Variants in CBL observed in about 807,000 individuals in gnomAD.
CBL encodes Cbl proto-oncogene, also known as E3 ubiquitin-protein ligase CBL.
A neutral mutation model predicts 96.9 loss-of-function variants in CBL; 45 were observed. The observed-to-expected ratio is 0.46, with a 90% CI of 0.37 to 0.60. CBL has a LOEUF of 0.60. CBL is among the 20% of genes least tolerant of loss of function. The pLI is 0.00. For missense variants in CBL, 1,024 were observed against 1,143.5 expected, an observed-to-expected ratio of 0.90 and a Z score of 1.51; for synonymous variants, 420 against 426.8, an observed-to-expected ratio of 0.98 and a Z score of 0.20.
At chr11:119,219,157 C>T (rs192605785) in intron 1 of CBL, among the ~76,000 whole-genome samples, 234 of 152,178 alleles carry the variant, frequency 1.5e-3, no homozygotes, top group African/African-American at 5.1e-3. Flanking sequence ...GCTGGTGGAT[C>T]ACTTGAGGTC....
rs1203290079 is a variant in CBL at position 119,307,620 on chromosome 11, A to G, written c.*7839A>G. 4.3e-6 allele frequency: 1 copy of G among 230,698 alleles called. No individual in the cohort carries two copies. The highest frequency in any genetic ancestry group is 8.6e-6 in the Non-Finnish European group (1 of 116,376). The allele number at this position is 230,698 out of a possible 1,614,324, so 14.3% of individuals were successfully genotyped here. On this transcript the variant is annotated 3_prime_UTR_variant, in exon 16 of 16. Coordinates refer to ENST00000264033, the MANE Select transcript of CBL (RefSeq NM_005188.4). Reference sequence around the variant, plus strand: ...GCTTTAGCAAAAGTTTTTCTATATAATGACATCTTACTTATCTTTTACCCT... The same window carrying G: ...GCTTTAGCAAAAGTTTTTCTATATAGTGACATCTTACTTATCTTTTACCCT...
chr11:119,275,252 A>G (rs190957249), intron 5 of CBL, among the ~76,000 whole-genome samples: 6 of 151,958 alleles, frequency 3.9e-5, no homozygotes, highest in Admixed American at 3.3e-4. Context: ...CAGCCTGGCC[A>G]AAGTGGTAAA....
chr11:119,251,113 T>C (rs1027604322), intron 2 of CBL, among the ~76,000 whole-genome samples: 4 of 152,186 alleles, frequency 2.6e-5, no homozygotes, highest in African/African-American at 9.7e-5. Context: ...ATATTTATCA[T>C]GTGCTTGCTG....
intron 1 of CBL, among the ~76,000 whole-genome samples, chr11:119,221,933 A>G (rs1315758972): frequency 6.6e-6 from 1 of 152,196 alleles, no homozygotes; most frequent in Non-Finnish European, 1.5e-5. Context: ...TTGAGGTTGT[A>G]TAGCCAGTTA....
At chr11:119,278,925 CTTAT>C (rs1949911352) in intron 9 of CBL, among the ~76,000 whole-genome samples, 1 of 152,044 alleles carries the variant, frequency 6.6e-6, no homozygotes, top group Non-Finnish European at 1.5e-5. Flanking sequence ...TACTATTATC[CTTAT>C]TTAACAGATG....
At chr11:119,285,167 T>C in intron 10 of CBL, 22 bp from the exon 11 acceptor site, 1 of 1,614,168 alleles carries the variant, frequency 6.2e-7, no homozygotes, top group Non-Finnish European at 8.5e-7. Context: ...TTTACTGATT[T>C]GCTTTCACCC....
intron 2 of CBL, among the ~76,000 whole-genome samples, chr11:119,247,656 C>A (rs557016731): frequency 6.6e-6 from 1 of 151,994 alleles, no homozygotes; most frequent in African/African-American, 2.4e-5. Context: ...ACTAAAAATA[C>A]AAAAATTAGC....
chr11:119,237,363 T>C (rs747095223), intron 2 of CBL, among the ~76,000 whole-genome samples: 1 of 152,254 alleles, frequency 6.6e-6, no homozygotes, highest in Non-Finnish European at 1.5e-5. Context: ...ATTCTGTGGG[T>C]CATCTTTTCA....
intron 1 of CBL, among the ~76,000 whole-genome samples, chr11:119,226,748 A>G (rs1258798994): frequency 6.6e-6 from 1 of 152,186 alleles, no homozygotes; most frequent in Non-Finnish European, 1.5e-5. Context: ...ATGAGCCACC[A>G]CGCCCCGCCT....
At chr11:119,258,004 G>A (rs1457281418) in intron 2 of CBL, among the ~76,000 whole-genome samples, 1 of 151,942 alleles carries the variant, frequency 6.6e-6, no homozygotes, top group Non-Finnish European at 1.5e-5. Context: ...AGGCAGGCGG[G>A]TCACTTGAGG....
chr11:119,265,290 T>A (rs1304002027), intron 2 of CBL, among the ~76,000 whole-genome samples: 1 of 152,224 alleles, frequency 6.6e-6, no homozygotes, highest in Non-Finnish European at 1.5e-5. Context: ...GTAGGTGAGA[T>A]GATTTTTGAT....
chr11:119,234,821 A>G (rs1013011509), intron 2 of CBL, among the ~76,000 whole-genome samples: 3 of 152,264 alleles, frequency 2.0e-5, no homozygotes, highest in Non-Finnish European at 4.4e-5. Flanking sequence ...GTCCAGTGGC[A>G]TTAGAGAAGG....
At chr11:119,277,289 G>A (rs1396793511) in intron 6 of CBL, among the ~76,000 whole-genome samples, 2 of 134,440 alleles carry the variant, frequency 1.5e-5, no homozygotes, top group African/African-American at 3.0e-5. Flanking sequence ...TTTCTATCTG[G>A]TGGCCATCCA....
intron 3 of CBL, among the ~76,000 whole-genome samples, chr11:119,272,264 G>GGC (rs1949855061): frequency 6.6e-6 from 1 of 152,084 alleles, no homozygotes; most frequent in South Asian, 2.1e-4. Context: ...TGGGACTATA[G>GGC]GTGCCTGCCA....
Position 119,219,853 on chromosome 11 carries a change from T to G in CBL, c.196-12595T>G, listed in dbSNP as rs942280325. ...TGGGCACCACCACGCCCGACTATTT[T>G]TTTTTTTTTTTTTTGAGACGGAGTC... is the stretch of plus-strand genomic sequence containing the variant. On this transcript the variant is annotated intron_variant, in intron 1 of 15. Transcript: ENST00000264033. Among the ~76,000 whole-genome samples, 81 of 147,380 alleles carry G rather than the reference T, an allele frequency of 5.5e-4. No individual in the cohort carries two copies. In the East Asian group the frequency reaches 0.013, roughly 23 times the overall value.
intron 4 of CBL, 34 bp downstream of exon 4, chr11:119,274,058 C>A: frequency 6.6e-7 from 1 of 1,505,690 alleles, no homozygotes; most frequent in Non-Finnish European, 9.2e-7. Flanking sequence ...AAACTGGTTA[C>A]TGCTACTTCG....
chr11:119,208,084 A>T (rs1328610639), intron 1 of CBL, among the ~76,000 whole-genome samples: 1 of 152,200 alleles, frequency 6.6e-6, no homozygotes, highest in Non-Finnish European at 1.5e-5. Context: ...TTGGTGGTGT[A>T]GTACTAATTT....
chr11:119,275,965 C>G, intron 5 of CBL, 32 bp from the exon 6 acceptor site: 6 of 1,611,330 alleles, frequency 3.7e-6, no homozygotes, highest in Non-Finnish European at 5.1e-6. Flanking sequence ...CCAGCATAAT[C>G]TACTAAAGCT....
intron 3 of CBL, among the ~76,000 whole-genome samples, chr11:119,272,566 CT>C (rs1209380766): frequency 6.6e-6 from 1 of 152,164 alleles, no homozygotes; most frequent in African/African-American, 2.4e-5. Context: ...ACATCTTTTG[CT>C]TTGCTAAGTA....
Sources: allele counts gnomAD v4.1 joint callset (sites outside exome capture counted in the v4.1 genomes callset), GRCh38; gene constraint gnomAD v4.1.1; transcripts MANE v1.5; gene names NCBI Gene and HGNC (gene_info 2026-07-23, HGNC 2026-07-21).